SH3PXD2B: variants seen among roughly 807,000 people sequenced by gnomAD.
SH3PXD2B encodes SH3 and PX domain-containing protein 2B.
A neutral mutation model predicts 73.1 loss-of-function variants in SH3PXD2B; 37 were observed. The observed-to-expected ratio is 0.51, with a 90% CI of 0.39 to 0.67. SH3PXD2B has a LOEUF of 0.67. Ranked by LOEUF, SH3PXD2B falls within the 30% of genes least tolerant of loss-of-function variation. The pLI, the probability that SH3PXD2B is intolerant of heterozygous loss-of-function variation, is 0.00. For missense variants in SH3PXD2B, 1,053 were observed against 1,197.8 expected, an observed-to-expected ratio of 0.88 and a Z score of 1.78; for synonymous variants, 457 against 480.5, an observed-to-expected ratio of 0.95 and a Z score of 0.64.
chr5:172,347,967 G>A (rs1757033350), intron 10 of SH3PXD2B, among the ~76,000 whole-genome samples: 1 of 152,196 alleles, frequency 6.6e-6, no homozygotes, highest in South Asian at 2.1e-4. Context: ...CCAGGAGGAT[G>A]AGGACTTTGC....
chr5:172,342,303 A>G (rs1328885438), intron 12 of SH3PXD2B, among the ~76,000 whole-genome samples: 2 of 152,300 alleles, frequency 1.3e-5, no homozygotes, highest in Admixed American at 1.3e-4. Context: ...ATGAACGCTC[A>G]TGACACCCTG....
intron 1 of SH3PXD2B, among the ~76,000 whole-genome samples, chr5:172,437,997 G>A (rs1459073538): frequency 1.3e-5 from 2 of 152,140 alleles, no homozygotes; most frequent in African/African-American, 4.8e-5. Flanking sequence ...GAGACCTACT[G>A]TGCACCAAGC....
intron 1 of SH3PXD2B, among the ~76,000 whole-genome samples, chr5:172,448,820 C>G (rs1024945672): frequency 4.6e-5 from 7 of 152,178 alleles, no homozygotes; most frequent in Non-Finnish European, 1.0e-4. Context: ...CCTCTAACAC[C>G]CGAGTTCTTT....
At chr5:172,364,787 G>C (rs994199755) in intron 6 of SH3PXD2B, among the ~76,000 whole-genome samples, 1 of 152,216 alleles carries the variant, frequency 6.6e-6, no homozygotes, top group Non-Finnish European at 1.5e-5. Flanking sequence ...CTGTTGGGTG[G>C]TGTCTTGTTG....
chr5:172,334,718 TC>T lies in SH3PXD2B; in HGVS notation c.*3650del. 1 of 985,506 alleles carries T rather than the reference TC, an allele frequency of 1.0e-6. No individual in the cohort carries two copies. 61.0% of individuals were successfully genotyped at this position (985,506 alleles called of 1,614,324 possible). On this transcript the variant is annotated 3_prime_UTR_variant, in exon 13 of 13. Transcript: ENST00000311601. ...GAAGGCAGGAGCAGTTTCTTCTTTT[TC>T]CCACTCTGTGCTGGGTACTTGGGAG...
In SH3PXD2B at chr5:172,375,087, G is replaced by A. The variant is rs150657197; in HGVS notation, c.402-1272C>T. On this transcript the variant is annotated intron_variant, in intron 5 of 12. Coordinates refer to ENST00000311601, the MANE Select transcript of SH3PXD2B (RefSeq NM_001017995.3). Reference sequence around the variant, plus strand: ...AAAACTCATCCTTTAGGCCAGGAGCGGTGGTTCACGCCTGTAATCCCAGCA... The same window carrying A: ...AAAACTCATCCTTTAGGCCAGGAGCAGTGGTTCACGCCTGTAATCCCAGCA... Among the ~76,000 whole-genome samples the A allele has an allele frequency of 3.4e-3, 511 of 152,258 alleles. 1 individual carries two copies. Among genetic ancestry groups the A allele is most frequent in the African/African-American group, 0.011 (477 of 41,552 alleles).
intron 1 of SH3PXD2B, among the ~76,000 whole-genome samples, chr5:172,441,040 G>A (rs1331682409): frequency 3.9e-5 from 6 of 152,062 alleles, no homozygotes; most frequent in Non-Finnish European, 7.4e-5. Flanking sequence ...AAAACATTAC[G>A]ATGAACCAAG....
At chr5:172,439,592 C>T (rs946807593) in intron 1 of SH3PXD2B, among the ~76,000 whole-genome samples, 11 of 152,006 alleles carry the variant, frequency 7.2e-5, no homozygotes, top group Non-Finnish European at 1.0e-4. Context: ...TTCCTTGGGC[C>T]AACTCAAATC....
chr5:172,338,734 C>A lies in SH3PXD2B; in HGVS notation c.2371G>T (p.Ala791Ser), dbSNP rs778640595. The A allele has an allele frequency of 1.2e-6, 2 of 1,614,238 alleles. No individual in the cohort carries two copies. Among genetic ancestry groups the A allele is most frequent in the South Asian group, 1.1e-5 (1 of 91,092 alleles). The change falls in exon 13 of 13, where the codon GCT (alanine) becomes TCT (serine). Residue 791 changes from alanine to serine, a missense_variant. Transcript: ENST00000311601. This position sits in a 1 kb window ranked among gnomAD's most constrained non-coding sequence, Gnocchi z 5.1. Reference protein sequence around the residue: ...PQCEGHESRAAPTPGRALLVP... With the variant: ...PQCEGHESRASPTPGRALLVP... ...AGGAGAGCACGGCCTGGGGTGGGAG[C>A]TGCCCTGCTTTCGTGGCCTTCACAC... is the stretch of plus-strand genomic sequence containing the variant.
intron 1 of SH3PXD2B, among the ~76,000 whole-genome samples, chr5:172,431,650 T>C (rs1032703056): frequency 2.0e-5 from 3 of 152,018 alleles, no homozygotes; most frequent in African/African-American, 7.3e-5. Flanking sequence ...ATCAACTGTA[T>C]ATAAATGCGT....
At chr5:172,346,385 AT>A in intron 11 of SH3PXD2B, 124 bp from the exon 12 acceptor site, 1 of 1,452,462 alleles carries the variant, frequency 6.9e-7, no homozygotes, top group East Asian at 2.3e-5. Context: ...ACCTAGTTGG[AT>A]TCTAAGGGAC....
At chr5:172,331,495 C>T (rs571480769), downstream of SH3PXD2B, among the ~76,000 whole-genome samples, 1 of 152,130 alleles carries the variant, frequency 6.6e-6, no homozygotes, top group African/African-American at 2.4e-5. Flanking sequence ...CTCATGTGGC[C>T]CAAATAATAC....
chr5:172,387,321 C>T (rs995160043), intron 4 of SH3PXD2B, among the ~76,000 whole-genome samples: 6 of 152,244 alleles, frequency 3.9e-5, no homozygotes, highest in Non-Finnish European at 8.8e-5. Flanking sequence ...GAAGTCCACA[C>T]TTCAGAAAAG....
chr5:172,425,514 T>C (rs1383684857), intron 1 of SH3PXD2B, among the ~76,000 whole-genome samples: 3 of 151,614 alleles, frequency 2.0e-5, no homozygotes, highest in Admixed American at 6.6e-5. Flanking sequence ...GGAAAGGGCG[T>C]ACAGGGAAAA....
chr5:172,391,519 G>A (rs759884271), intron 4 of SH3PXD2B, among the ~76,000 whole-genome samples: 7 of 152,186 alleles, frequency 4.6e-5, no homozygotes, highest in Non-Finnish European at 1.0e-4. Context: ...CTGGAGTGCA[G>A]TGGCACGATC....
At chr5:172,364,660 G>A (rs1411834487) in intron 6 of SH3PXD2B, among the ~76,000 whole-genome samples, 4 of 151,886 alleles carry the variant, frequency 2.6e-5, no homozygotes, top group Admixed American at 1.3e-4. Context: ...ACAAAACTCC[G>A]TCCTCCGCTC....
intron 6 of SH3PXD2B, among the ~76,000 whole-genome samples, chr5:172,369,660 C>T (rs768684759): frequency 5.3e-5 from 8 of 151,972 alleles, no homozygotes; most frequent in Non-Finnish European, 7.4e-5. Context: ...CCCAGCTACT[C>T]GGGAGGCTGA....
chr5:172,367,125 T>TG (rs1460584060), intron 6 of SH3PXD2B, among the ~76,000 whole-genome samples: 2 of 151,178 alleles, frequency 1.3e-5, no homozygotes, highest in African/African-American at 2.4e-5. Context: ...TTAGTAGAGA[T>TG]GGGGTCTCAC....
At chr5:172,416,471 G>T (rs1758822264) in intron 2 of SH3PXD2B, among the ~76,000 whole-genome samples, 2 of 151,772 alleles carry the variant, frequency 1.3e-5, no homozygotes, top group South Asian at 4.2e-4. Context: ...GGGATTACAG[G>T]TGCCCACAAC....
Sources: allele counts gnomAD v4.1 joint callset (sites outside exome capture counted in the v4.1 genomes callset), GRCh38; gene constraint gnomAD v4.1.1; non-coding constraint Gnocchi (gnomAD v3.1); transcripts MANE v1.5; gene names NCBI Gene and HGNC (gene_info 2026-07-23, HGNC 2026-07-21).